The following CTNNA3 variants were observed in gnomAD, a reference collection of about 807,000 sequenced individuals.
CTNNA3 encodes the protein catenin alpha 3, also known as catenin alpha-3.
In CTNNA3, 76 loss-of-function variants were observed where a neutral mutation model predicts 95.7. The observed-to-expected ratio is 0.79, with a 90% CI of 0.66 to 0.96. The LOEUF (loss-of-function observed/expected upper bound fraction) is 0.96. Among genes scored for constraint, CTNNA3 ranks in the 40% least tolerant of loss-of-function variants. The pLI, the probability that CTNNA3 is intolerant of heterozygous loss-of-function variation, is 0.00. For missense variants in CTNNA3, 1,191 were observed against 1,089.8 expected (o/e 1.09, Z -1.31); for synonymous variants, 431 against 374.4 (o/e 1.15, Z -1.74).
intron 7 of CTNNA3, among the ~76,000 whole-genome samples, chr10:66,813,093 G>C (rs1310785508): frequency 6.6e-6 from 1 of 152,122 alleles, no homozygotes; most frequent in Non-Finnish European, 1.5e-5. Context: ...AATTTTGTTT[G>C]CTTAATGAGA....
intron 15 of CTNNA3, among the ~76,000 whole-genome samples, chr10:66,068,444 A>G (rs1233163934): frequency 1.3e-5 from 2 of 152,142 alleles, no homozygotes; most frequent in African/African-American, 4.8e-5. Flanking sequence ...ACTGTTTCTC[A>G]ATTTTAATAT....
At chr10:67,372,675 C>T (rs976824415) in intron 5 of CTNNA3, among the ~76,000 whole-genome samples, 75 of 152,084 alleles carry the variant, frequency 4.9e-4, no homozygotes, top group Non-Finnish European at 9.0e-4. Context: ...ACATAATTGT[C>T]AGATTCACCA....
chr10:66,144,030 T>A (rs567857154), intron 13 of CTNNA3, among the ~76,000 whole-genome samples: 7 of 152,358 alleles, frequency 4.6e-5, no homozygotes, highest in African/African-American at 1.7e-4. Context: ...ACACACAAAA[T>A]AATTCTATGC....
chr10:66,632,954 C>T (rs185604755), intron 9 of CTNNA3, among the ~76,000 whole-genome samples: 1 of 152,202 alleles, frequency 6.6e-6, no homozygotes, highest in Admixed American at 6.5e-5. Flanking sequence ...CTCAGTCTAG[C>T]TCTTACTAAG....
chr10:67,186,067 T>C (rs2132158728), intron 6 of CTNNA3, among the ~76,000 whole-genome samples: 1 of 152,214 alleles, frequency 6.6e-6, no homozygotes, highest in Admixed American at 6.5e-5. Context: ...TAAAACCTTT[T>C]TGGAAATGTA....
At chr10:66,604,083 A>G (rs907590197) in intron 10 of CTNNA3, among the ~76,000 whole-genome samples, 1 of 152,106 alleles carries the variant, frequency 6.6e-6, no homozygotes, top group African/African-American at 2.4e-5. Flanking sequence ...GACCAATGGG[A>G]TCATATCAAG....
intron 11 of CTNNA3, among the ~76,000 whole-genome samples, chr10:66,489,695 T>C (rs1589323586): frequency 1.3e-5 from 2 of 152,304 alleles, no homozygotes; most frequent in Admixed American, 6.5e-5. Context: ...GGTATACTTA[T>C]CTCATGCAAG....
intron 11 of CTNNA3, among the ~76,000 whole-genome samples, chr10:66,488,601 G>A (rs1439928914): frequency 1.3e-5 from 2 of 152,106 alleles, no homozygotes; most frequent in Non-Finnish European, 2.9e-5. Flanking sequence ...CCAAATGATT[G>A]TCCCTACAGT....
chr10:67,620,385 C>T (rs1467971417), intron 2 of CTNNA3, among the ~76,000 whole-genome samples: 3 of 152,014 alleles, frequency 2.0e-5, no homozygotes, highest in Admixed American at 6.6e-5. Context: ...GTCCAAAGGC[C>T]GCATCTCCCA....
intron 10 of CTNNA3, among the ~76,000 whole-genome samples, chr10:66,578,597 C>T (rs1843080067): frequency 6.6e-6 from 1 of 151,884 alleles, no homozygotes; most frequent in Non-Finnish European, 1.5e-5. Context: ...GTTGGTAATT[C>T]TATTTATATG....
At chr10:65,946,914 T>C (rs2077525184) in intron 17 of CTNNA3, among the ~76,000 whole-genome samples, 1 of 152,148 alleles carries the variant, frequency 6.6e-6, no homozygotes, top group South Asian at 2.1e-4. Flanking sequence ...TTCTGACATG[T>C]AACCTTATAT....
chr10:67,035,225 CTA>C (rs987147526), intron 7 of CTNNA3, among the ~76,000 whole-genome samples: 2 of 152,022 alleles, frequency 1.3e-5, no homozygotes, highest in African/African-American at 2.4e-5. Flanking sequence ...TATAGAGTAT[CTA>C]TATATATAGT....
intron 1 of CTNNA3, among the ~76,000 whole-genome samples, chr10:67,664,461 A>G (rs984020): frequency 0.38 from 57,318 of 152,062 alleles, 15,502 homozygotes; most frequent in African/African-American, 0.77. Context: ...AAGGTAAGAG[A>G]AGGCAACTGG....
At chr10:67,708,697 T>C (rs2133609340) in intron 1 of CTNNA3, among the ~76,000 whole-genome samples, 1 of 152,266 alleles carries the variant, frequency 6.6e-6, no homozygotes, top group East Asian at 1.9e-4. Context: ...TGTGCAAATG[T>C]AAAGCAAGTC....
chr10:66,194,684 G>A (rs1282386578), intron 13 of CTNNA3, among the ~76,000 whole-genome samples: 3 of 152,190 alleles, frequency 2.0e-5, no homozygotes, highest in Non-Finnish European at 4.4e-5. Context: ...AATATCGACT[G>A]TGTCTTTTTT....
chr10:67,430,820 T>TACACACAA (rs1554835825), intron 5 of CTNNA3, among the ~76,000 whole-genome samples: 2 of 138,770 alleles, frequency 1.4e-5, no homozygotes, highest in Non-Finnish European at 3.1e-5. Flanking sequence ...CAAACATAAC[T>TACACACAA]ACACACACAC....
chr10:66,822,147 T>G (rs1842325830), intron 7 of CTNNA3, among the ~76,000 whole-genome samples: 2 of 149,752 alleles, frequency 1.3e-5, no homozygotes, highest in African/African-American at 2.4e-5. Flanking sequence ...ATATAATATA[T>G]AAAGTATGTA....
chr10:67,517,972 G>C (rs377642042), intron 5 of CTNNA3, among the ~76,000 whole-genome samples: 17 of 152,142 alleles, frequency 1.1e-4, no homozygotes, highest in East Asian at 7.7e-4. Flanking sequence ...ACATATAATA[G>C]CTACCAATTA....
chr10:67,581,210 A>T (rs551523108), intron 3 of CTNNA3, among the ~76,000 whole-genome samples: 1 of 152,014 alleles, frequency 6.6e-6, no homozygotes, highest in African/African-American at 2.4e-5. Flanking sequence ...ATAAATAGCT[A>T]TTATTATTTT....
Sources: allele counts gnomAD v4.1 joint callset (sites outside exome capture counted in the v4.1 genomes callset), GRCh38; gene constraint gnomAD v4.1.1; transcripts MANE v1.5; gene names NCBI Gene and HGNC (gene_info 2026-07-23, HGNC 2026-07-21).